TRPS1: variants seen among roughly 807,000 people sequenced by gnomAD.
TRPS1 encodes the protein transcriptional repressor GATA binding 1.
A neutral mutation model predicts 101.2 loss-of-function variants in TRPS1; 6 were observed. The ratio of observed to expected loss-of-function variants is 0.06; its 90% CI spans 0.03 to 0.12. The LOEUF (loss-of-function observed/expected upper bound fraction) is 0.12. Ranked by LOEUF, TRPS1 falls within the 10% of genes least tolerant of loss-of-function variation. The pLI, the probability that TRPS1 is intolerant of heterozygous loss-of-function variation, is 1.00. For missense variants in TRPS1, 1,363 were observed against 1,567.0 expected, an observed-to-expected ratio of 0.87 and a Z score of 2.20; for synonymous variants, 578 against 589.8, an observed-to-expected ratio of 0.98 and a Z score of 0.29.
In TRPS1 at chr8:115,619,637, C is replaced by A; in HGVS notation, c.461G>T (p.Cys154Phe). ...AEADDPQDMA[C>F]TPSGDSLETK... The stretch of plus-strand genomic sequence containing the variant: ...CTCCAGTGAGTCCCCTGAGGGGGTG[C>A]AGGCCATATCTTGAGGGTCATCTGC... The change falls in exon 3 of 7, where the codon TGC becomes TTC. Residue 154 changes from cysteine to phenylalanine, a missense_variant. Cys to Phe is a radical substitution (Grantham distance 205, BLOSUM62 -2). This residue lies in a region of TRPS1 where 1,020 missense variants were observed against 1,073.0 expected (regional missense o/e 0.95). Transcript: ENST00000395715. The A allele has an allele frequency of 6.2e-7, 1 of 1,614,184 alleles. No homozygotes were observed.
chr8:115,637,493 G>A (rs1461590470), intron 1 of TRPS1, among the ~76,000 whole-genome samples: 2 of 152,156 alleles, frequency 1.3e-5, no homozygotes, highest in African/African-American at 4.8e-5. Context: ...TATCGCACAG[G>A]TTCAGATAAA....
Position 115,587,049 on chromosome 8 carries a change from A to G in TRPS1, c.2652T>C (p.Pro884=), listed in dbSNP as rs1188207453. Residue 884 remains proline (P), a synonymous_variant, in exon 5 of 7, where the codon CCT becomes CCC. Coordinates refer to ENST00000395715, the MANE Select transcript of TRPS1 (RefSeq NM_014112.5). The stretch of plus-strand genomic sequence containing the variant: ...CCTTGGACTTGTTTTCTCCCGATGC[A>G]GGATACTGCTGGGGGAGGGCCCCAG... ...EKSGALPQQY[P]ASGENKSKDE... The G allele has an allele frequency of 3.1e-6, 5 of 1,614,084 alleles. No individual in the cohort carries two copies. Among genetic ancestry groups the G allele is most frequent in the Non-Finnish European group, 4.2e-6 (5 of 1,180,046 alleles).
intron 5 of TRPS1, among the ~76,000 whole-genome samples, chr8:115,438,469 A>C (rs1287318426): frequency 6.6e-6 from 1 of 152,188 alleles, no homozygotes; most frequent in Non-Finnish European, 1.5e-5. Flanking sequence ...CAACTGGTCA[A>C]TCATGATGAA....
intron 5 of TRPS1, among the ~76,000 whole-genome samples, chr8:115,495,815 T>C (rs1215524900): frequency 1.3e-5 from 2 of 152,176 alleles, no homozygotes; most frequent in Non-Finnish European, 2.9e-5. Flanking sequence ...AATGAGCTTA[T>C]CATACTGTTC....
chr8:115,620,450 A>G (rs951478156), intron 2 of TRPS1, among the ~76,000 whole-genome samples: 1 of 151,882 alleles, frequency 6.6e-6, no homozygotes, highest in African/African-American at 2.4e-5. Flanking sequence ...TATATTATAT[A>G]TAACATGTAC....
At chr8:115,646,450 G>C (rs1272488810) in intron 1 of TRPS1, among the ~76,000 whole-genome samples, 1 of 152,148 alleles carries the variant, frequency 6.6e-6, no homozygotes, top group Non-Finnish European at 1.5e-5. Context: ...AACTTGTATT[G>C]TACATATCTG....
At chr8:115,453,347 G>A (rs543710607) in intron 5 of TRPS1, among the ~76,000 whole-genome samples, 1 of 152,124 alleles carries the variant, frequency 6.6e-6, no homozygotes, top group Non-Finnish European at 1.5e-5. Context: ...ACCTAAAGTT[G>A]GATAGAGTCA....
At chr8:115,520,578 A>G (rs1815833793) in intron 5 of TRPS1, among the ~76,000 whole-genome samples, 1 of 151,738 alleles carries the variant, frequency 6.6e-6, no homozygotes, top group South Asian at 2.1e-4. Flanking sequence ...AATTATGCAA[A>G]ACTTGGAAAT....
chr8:115,480,647 G>T (rs751392832), intron 5 of TRPS1, among the ~76,000 whole-genome samples: 3 of 151,974 alleles, frequency 2.0e-5, no homozygotes, highest in African/African-American at 7.2e-5. Flanking sequence ...TGCATGCAAA[G>T]AATGCATATA....
intron 1 of TRPS1, among the ~76,000 whole-genome samples, chr8:115,650,546 G>A (rs1220891107): frequency 3.3e-5 from 5 of 152,034 alleles, no homozygotes; most frequent in Non-Finnish European, 7.4e-5. Flanking sequence ...AGAGTTAAAT[G>A]TTAAATCAAA....
intron 4 of TRPS1, among the ~76,000 whole-genome samples, chr8:115,597,289 G>A (rs115308337): frequency 0.013 from 1,985 of 151,874 alleles, 38 homozygotes; most frequent in African/African-American, 0.044. Context: ...GTGTTTTATC[G>A]TAAAATCTAT....
chr8:115,518,264 G>A (rs555773033), intron 5 of TRPS1, among the ~76,000 whole-genome samples: 4 of 151,790 alleles, frequency 2.6e-5, no homozygotes, highest in African/African-American at 7.2e-5. Flanking sequence ...TAAAGCTAAA[G>A]GAAACTATCC....
chr8:115,408,732 G>A lies in TRPS1; in HGVS notation c.*5291C>T, dbSNP rs905013630. 2.0e-5 allele frequency: 3 copies of A among 151,974 alleles called. No homozygotes were observed. The highest frequency in any genetic ancestry group is 7.3e-5 in the African/African-American group (3 of 41,272). 9.4% of individuals were successfully genotyped at this position (151,974 alleles called of 1,614,324 possible). ...ACTACAAATTGAATTCTTTTTCTTA[G>A]CAACATGAAATCATTCCATATGAAA... is the stretch of plus-strand genomic sequence containing the variant. On this transcript the variant is annotated 3_prime_UTR_variant, in exon 7 of 7. Coordinates refer to ENST00000395715, the MANE Select transcript of TRPS1 (RefSeq NM_014112.5).
intron 5 of TRPS1, among the ~76,000 whole-genome samples, chr8:115,425,290 G>A (rs1813161215): frequency 6.6e-6 from 1 of 152,098 alleles, no homozygotes; most frequent in Non-Finnish European, 1.5e-5. Flanking sequence ...CAGATTTCTT[G>A]CCAAAAAACT....
chr8:115,563,320 G>A (rs897708961), intron 5 of TRPS1, among the ~76,000 whole-genome samples: 2 of 151,924 alleles, frequency 1.3e-5, no homozygotes, highest in Non-Finnish European at 2.9e-5. Flanking sequence ...CTTGACACTA[G>A]TTTCTGTAAC....
intron 5 of TRPS1, among the ~76,000 whole-genome samples, chr8:115,424,027 A>G (rs1404201355): frequency 6.6e-6 from 1 of 152,214 alleles, no homozygotes; most frequent in Admixed American, 6.5e-5. Flanking sequence ...TTCATCTTCA[A>G]GATATTAAAG....
intron 5 of TRPS1, among the ~76,000 whole-genome samples, chr8:115,520,576 A>C (rs1178865812): frequency 1.3e-5 from 2 of 151,812 alleles, no homozygotes; most frequent in African/African-American, 4.8e-5. Context: ...AAAATTATGC[A>C]AAACTTGGAA....
At chr8:115,511,667 G>C (rs937808873) in intron 5 of TRPS1, among the ~76,000 whole-genome samples, 2 of 151,860 alleles carry the variant, frequency 1.3e-5, no homozygotes, top group Non-Finnish European at 2.9e-5. Context: ...TTTCCCCAAA[G>C]GGCAACTGAC....
In TRPS1 at chr8:115,409,825, G is replaced by C. The variant is rs1812746223; in HGVS notation, c.*4198C>G. 6.6e-6 allele frequency: 1 copy of C among 152,390 alleles called. No homozygotes were observed. Among genetic ancestry groups the C allele is most frequent in the Admixed American group, 6.6e-5 (1 of 15,236 alleles). The allele number at this position is 152,390 out of a possible 1,614,324, so 9.4% of individuals were successfully genotyped here. A position where few individuals can be genotyped will look rare whatever the true frequency, so the allele number is the denominator to read the frequency against. ...ATTAGAATATTTAGTTTGATACTCA[G>C]GTTGCATTTCAATTCCTCAATTTTC... is the stretch of plus-strand genomic sequence containing the variant. On this transcript the variant is annotated 3_prime_UTR_variant, in exon 7 of 7. Transcript: ENST00000395715.
Sources: gnomAD v4.1 joint callset for allele counts (sites outside exome capture counted in the v4.1 genomes callset) on GRCh38, gnomAD v4.1.1 for gene constraint, gnomAD v4.1.1 regional missense constraint, MANE v1.5 for transcripts, NCBI Gene and HGNC (gene_info 2026-07-23, HGNC 2026-07-21) for gene names.